TAF4B: variants seen among roughly 807,000 people sequenced by gnomAD.
TAF4B encodes TATA-box binding protein associated factor 4b.
Under a neutral mutation model 86.4 loss-of-function variants are expected in TAF4B, and 38 were observed. That is an observed-to-expected ratio of 0.44 (90% confidence interval 0.34 to 0.58). TAF4B has a LOEUF of 0.58. Among genes scored for constraint, TAF4B ranks in the 20% least tolerant of loss-of-function variants. TAF4B has a pLI of 0.02. For synonymous variants in TAF4B, 388 were observed against 391.2 expected (o/e 0.99, Z 0.10); for missense variants, 988 against 1,027.6 (o/e 0.96, Z 0.53).
chr18:26,315,161 T>TGTCTCTCACA, intron 9 of TAF4B, 68 bp from the exon 10 acceptor site: 2 of 222,966 alleles, frequency 9.0e-6, no homozygotes, highest in South Asian at 1.6e-4. Flanking sequence ...TCTCTCTCTC[T>TGTCTCTCACA]CACACACACA....
chr18:26,358,433 G>A (rs1424322976), intron 14 of TAF4B, among the ~76,000 whole-genome samples: 4 of 152,146 alleles, frequency 2.6e-5, no homozygotes, highest in Admixed American at 6.5e-5. Context: ...TATTAGGGCC[G>A]GGCGAGGTGG....
intron 2 of TAF4B, chr18:26,266,936 C>G (rs982189783): frequency 6.6e-6 from 1 of 152,010 alleles, no homozygotes; most frequent in Non-Finnish European, 1.5e-5. Flanking sequence ...AATAAAAATA[C>G]TGAATGTAGT....
At chr18:26,311,628 CAAAA>C (rs905259377) in intron 9 of TAF4B, among the ~76,000 whole-genome samples, 1 of 151,692 alleles carries the variant, frequency 6.6e-6, no homozygotes, top group Non-Finnish European at 1.5e-5. Context: ...CTCAAAGAAA[CAAAA>C]AAACAAGCAT....
intron 13 of TAF4B, among the ~76,000 whole-genome samples, chr18:26,338,640 G>A (rs549370865): frequency 2.0e-5 from 3 of 151,822 alleles, no homozygotes; most frequent in African/African-American, 7.2e-5. Flanking sequence ...CACCATGCCT[G>A]GCTAATTTTG....
chr18:26,229,160 C>A (rs2055623947), intron 1 of TAF4B, among the ~76,000 whole-genome samples: 1 of 152,100 alleles, frequency 6.6e-6, no homozygotes, highest in Non-Finnish European at 1.5e-5. Context: ...TGAAACTTGG[C>A]AGAGTTAAAA....
At chr18:26,327,973 GT>G (rs1340661251) in intron 12 of TAF4B, among the ~76,000 whole-genome samples, 1 of 152,204 alleles carries the variant, frequency 6.6e-6, no homozygotes, top group Non-Finnish European at 1.5e-5. Context: ...TTCCACTACA[GT>G]TTCCATTTTG....
chr18:26,359,938 G>A lies in TAF4B; in HGVS notation c.2421+2144G>A, dbSNP rs577976089. Reference sequence around the variant, plus strand: ...TTGCCATGTTGCCCAGCTTGGTCTCGAACTTCTGAGCTCAAGCAGTTCACC... The same window carrying A: ...TTGCCATGTTGCCCAGCTTGGTCTCAAACTTCTGAGCTCAAGCAGTTCACC... On this transcript the variant is annotated intron_variant, in intron 14 of 14. Transcript: ENST00000269142. Among the ~76,000 whole-genome samples the A allele has an allele frequency of 7.9e-5, 12 of 150,954 alleles. No individual in the cohort carries two copies. In the South Asian group the frequency reaches 2.3e-3, roughly 29 times the overall value.
chr18:26,364,491 G>T (rs1415872736), intron 14 of TAF4B, among the ~76,000 whole-genome samples: 1 of 151,832 alleles, frequency 6.6e-6, no homozygotes, highest in Non-Finnish European at 1.5e-5. Context: ...TTGTATCGGT[G>T]ATGTGTTTGG....
At chr18:26,281,221 T>C (rs1465797897) in intron 5 of TAF4B, among the ~76,000 whole-genome samples, 3 of 152,148 alleles carry the variant, frequency 2.0e-5, no homozygotes, top group African/African-American at 7.2e-5. Context: ...CGAGATCATC[T>C]GTACCCCAAA....
At chr18:26,341,030 TTA>T (rs755532176) in intron 13 of TAF4B, among the ~76,000 whole-genome samples, 12 of 152,108 alleles carry the variant, frequency 7.9e-5, no homozygotes, top group Admixed American at 3.3e-4. Flanking sequence ...CGTGCATACT[TTA>T]TTTTGATGTG....
At chr18:26,326,037 G>T (rs994935034) in intron 11 of TAF4B, among the ~76,000 whole-genome samples, 1 of 152,106 alleles carries the variant, frequency 6.6e-6, no homozygotes, top group African/African-American at 2.4e-5. Flanking sequence ...TGATTTCCAG[G>T]CCAGGCACTG....
At chr18:26,243,567 T>G (rs2055875850) in intron 1 of TAF4B, among the ~76,000 whole-genome samples, 1 of 152,238 alleles carries the variant, frequency 6.6e-6, no homozygotes, top group African/African-American at 2.4e-5. Flanking sequence ...ACTGGTCGTC[T>G]GAAGCCTTCT....
At chr18:26,266,879 A>G (rs2056247957) in intron 2 of TAF4B, 1 of 150,884 alleles carries the variant, frequency 6.6e-6, no homozygotes, top group Non-Finnish European at 1.5e-5. Flanking sequence ...AACAAAAAAA[A>G]CAAACAAAAA....
chr18:26,345,247 CTG>C (rs1568164021), intron 13 of TAF4B, among the ~76,000 whole-genome samples: 1 of 152,250 alleles, frequency 6.6e-6, no homozygotes, highest in Non-Finnish European at 1.5e-5. Context: ...TGCTGAACAA[CTG>C]TGAGCCCACA....
chr18:26,369,262 C>T (rs1175763756), intron 14 of TAF4B, among the ~76,000 whole-genome samples: 1 of 151,996 alleles, frequency 6.6e-6, no homozygotes, highest in African/African-American at 2.4e-5. Context: ...ATTTTGCAAC[C>T]GTTACACTAG....
rs143309526 is a variant in TAF4B, at chr18:26,234,641, T to C, written c.343+7365T>C. On this transcript the variant is annotated intron_variant, in intron 1 of 14. Transcript: ENST00000269142. The stretch of plus-strand genomic sequence containing the variant: ...CTCCACAAATGGACTTTCATCGATA[T>C]ATAGGTTAAGGTCAGGATTAGCTAA... 7.9e-3 allele frequency among the ~76,000 whole-genome samples: 1,198 copies of C among 152,240 alleles called. 14 individuals carry two copies. Among genetic ancestry groups the C allele is most frequent in the African/African-American group, 0.027 (1,134 of 41,552 alleles).
intron 9 of TAF4B, among the ~76,000 whole-genome samples, chr18:26,296,228 CT>C (rs1252897416): frequency 2.0e-5 from 3 of 152,098 alleles, no homozygotes; most frequent in Non-Finnish European, 4.4e-5. Flanking sequence ...AAATTTTCCC[CT>C]TTTGCATTTT....
chr18:26,307,964 G>A (rs1452574283), intron 9 of TAF4B, among the ~76,000 whole-genome samples: 1 of 152,066 alleles, frequency 6.6e-6, no homozygotes, highest in Non-Finnish European at 1.5e-5. Context: ...ACAAAAATGA[G>A]CCGGGTGTGG....
At chr18:26,269,145 A>G (rs770333142) in intron 3 of TAF4B, among the ~76,000 whole-genome samples, 2 of 152,048 alleles carry the variant, frequency 1.3e-5, no homozygotes, top group Non-Finnish European at 2.9e-5. Flanking sequence ...CTTAGTGTCT[A>G]TTTACAGGAA....
Sources: allele counts gnomAD v4.1 joint callset (sites outside exome capture counted in the v4.1 genomes callset), GRCh38; gene constraint gnomAD v4.1.1; transcripts MANE v1.5; gene names NCBI Gene and HGNC (gene_info 2026-07-23, HGNC 2026-07-21).